The following PDE1A variants were observed in gnomAD, a reference collection of about 807,000 sequenced individuals.
The protein encoded by PDE1A is phosphodiesterase 1A, also known as dual specificity calcium/calmodulin-dependent 3',5'-cyclic nucleotide phosphodiesterase 1A.
Under a neutral mutation model 61.7 loss-of-function variants are expected in PDE1A, and 35 were observed. The ratio of observed to expected loss-of-function variants is 0.57; its 90% CI spans 0.43 to 0.75. The LOEUF (loss-of-function observed/expected upper bound fraction) is 0.75. Ranked by LOEUF, PDE1A falls within the 30% of genes least tolerant of loss-of-function variation. The pLI, the probability that PDE1A is intolerant of heterozygous loss-of-function variation, is 0.00. For synonymous variants in PDE1A, 232 were observed against 213.2 expected (o/e 1.09, Z -0.77); for missense variants, 597 against 630.6 (o/e 0.95, Z 0.57).
upstream of PDE1A, among the ~76,000 whole-genome samples, chr2:182,431,854 C>T (rs62188264): frequency 0.28 from 42,771 of 151,870 alleles, 6,075 homozygotes; most frequent in Middle Eastern, 0.44. Context: ...CTTACCACTC[C>T]AGAGAGTTTC....
the PDE1A span, among the ~76,000 whole-genome samples, chr2:182,664,295 T>C: frequency 6.6e-6 from 1 of 152,190 alleles, no homozygotes; most frequent in Admixed American, 6.5e-5. Flanking sequence ...TTTGCAAATA[T>C]GACCATGGAT....
At chr2:182,531,378 T>TAAA in the PDE1A span, among the ~76,000 whole-genome samples, 54,334 of 145,230 alleles carry the variant, frequency 0.37, 11,754 homozygotes, top group East Asian at 0.59. Context: ...AAAAAGGTAG[T>TAAA]AAAAAAAAAA....
intron 1 of PDE1A, among the ~76,000 whole-genome samples, chr2:182,277,264 T>A (rs833133): frequency 6.6e-6 from 1 of 151,854 alleles, no homozygotes; most frequent in Non-Finnish European, 1.5e-5. Flanking sequence ...CCTACTGATA[T>A]GTGATGTCAC....
At chr2:182,181,157 G>A (rs1408292091) in intron 13 of PDE1A, among the ~76,000 whole-genome samples, 1 of 152,082 alleles carries the variant, frequency 6.6e-6, no homozygotes, top group Admixed American at 6.6e-5. Flanking sequence ...TCATTTGGAG[G>A]AGAAGAGGCA....
intron 2 of PDE1A, among the ~76,000 whole-genome samples, chr2:182,486,289 TGA>T (rs1688019992): frequency 6.6e-6 from 1 of 152,000 alleles, no homozygotes; most frequent in Non-Finnish European, 1.5e-5. Context: ...AAAATATTAC[TGA>T]GAGAAATTAA....
chr2:182,375,878 A>G (rs1013818080), intron 1 of PDE1A, among the ~76,000 whole-genome samples: 1 of 152,172 alleles, frequency 6.6e-6, no homozygotes, highest in East Asian at 1.9e-4. Context: ...CAGGCTCAAC[A>G]CCATGTGGAG....
the PDE1A span, among the ~76,000 whole-genome samples, chr2:182,595,222 T>C: frequency 9.2e-5 from 14 of 152,104 alleles, no homozygotes; most frequent in Admixed American, 3.3e-4. Context: ...AAATGCTTTT[T>C]AAGAAAAAAA....
chr2:182,391,944 C>A (rs1438043830), intron 1 of PDE1A, among the ~76,000 whole-genome samples: 1 of 152,180 alleles, frequency 6.6e-6, no homozygotes, highest in Non-Finnish European at 1.5e-5. Flanking sequence ...CATGACCCCT[C>A]AATCAGTTTT....
chr2:182,185,851 G>A, intron 13 of PDE1A, 41 bp downstream of exon 13: 1 of 1,612,056 alleles, frequency 6.2e-7, no homozygotes, highest in South Asian at 1.1e-5. Context: ...GAGAAGTGAA[G>A]ACAGAGAGAG....
the PDE1A span, among the ~76,000 whole-genome samples, chr2:182,692,942 T>A: frequency 6.6e-6 from 1 of 152,068 alleles, no homozygotes; most frequent in Non-Finnish European, 1.5e-5. Context: ...GTTTCCATTT[T>A]TATTGTCCCA....
chr2:182,521,115 T>C (rs1283825982), intron 2 of PDE1A, among the ~76,000 whole-genome samples: 1 of 152,020 alleles, frequency 6.6e-6, no homozygotes, highest in Non-Finnish European at 1.5e-5. Flanking sequence ...TAAGAAAATA[T>C]ACAAAGAACA....
the PDE1A span, among the ~76,000 whole-genome samples, chr2:182,610,782 A>G: frequency 6.6e-6 from 1 of 152,170 alleles, no homozygotes; most frequent in African/African-American, 2.4e-5. Flanking sequence ...AGAAGAAAAT[A>G]AAACTGAAAA....
chr2:182,207,714 G>T (rs1175521620), intron 7 of PDE1A, among the ~76,000 whole-genome samples: 1 of 152,218 alleles, frequency 6.6e-6, no homozygotes, highest in Non-Finnish European at 1.5e-5. Context: ...TGTCTCCAGG[G>T]CATTTCAGAG....
At chr2:182,266,788 G>T (rs1692662170) in intron 1 of PDE1A, among the ~76,000 whole-genome samples, 1 of 152,112 alleles carries the variant, frequency 6.6e-6, no homozygotes, top group Non-Finnish European at 1.5e-5. Context: ...CTAAAGGCCA[G>T]CAGCCATCTG....
the PDE1A span, among the ~76,000 whole-genome samples, chr2:182,711,575 A>G: frequency 6.6e-6 from 1 of 151,818 alleles, no homozygotes; most frequent in Admixed American, 6.6e-5. Context: ...ATGAATGCCT[A>G]GGACCTAGAT....
At chr2:182,318,698 C>G (rs537715937) in intron 1 of PDE1A, among the ~76,000 whole-genome samples, 2 of 152,254 alleles carry the variant, frequency 1.3e-5, no homozygotes, top group African/African-American at 4.8e-5. Flanking sequence ...GCCTTGGAGA[C>G]TCTAGGAGGA....
the PDE1A span, among the ~76,000 whole-genome samples, chr2:182,648,277 G>GA: frequency 6.6e-6 from 1 of 151,944 alleles, no homozygotes; most frequent in African/African-American, 2.4e-5. Flanking sequence ...TTCTTAATAA[G>GA]ACGGTCCAGT....
intron 2 of PDE1A, among the ~76,000 whole-genome samples, chr2:182,448,533 G>A (rs1221226211): frequency 2.0e-5 from 3 of 152,104 alleles, no homozygotes; most frequent in Admixed American, 1.3e-4. Context: ...TGAAAATTGT[G>A]AAGAATCTCA....
chr2:182,598,993 T>C, the PDE1A span, among the ~76,000 whole-genome samples: 1 of 152,182 alleles, frequency 6.6e-6, no homozygotes, highest in Non-Finnish European at 1.5e-5. Context: ...GCCATCACGC[T>C]GGCTGCAGCA....
Sources: allele counts gnomAD v4.1 joint callset (sites outside exome capture counted in the v4.1 genomes callset), GRCh38; gene constraint gnomAD v4.1.1; transcripts MANE v1.5; gene names NCBI Gene and HGNC (gene_info 2026-07-23, HGNC 2026-07-21).